PLCB4: variants seen among roughly 807,000 people sequenced by gnomAD.
PLCB4 encodes the protein phospholipase C beta 4, also known as 1-phosphatidylinositol 4,5-bisphosphate phosphodiesterase beta-4.
A neutral mutation model predicts 178.8 loss-of-function variants in PLCB4; 77 were observed. The observed-to-expected ratio is 0.43, with a 90% CI of 0.36 to 0.52. The LOEUF (loss-of-function observed/expected upper bound fraction) is 0.52, where lower values mean the gene tolerates loss of function less well. Among genes scored for constraint, PLCB4 ranks in the 20% least tolerant of loss-of-function variants. The pLI is 0.00. For missense variants in PLCB4, 1,024 were observed against 1,453.4 expected, an observed-to-expected ratio of 0.70 and a Z score of 4.80; for synonymous variants, 496 against 490.8, an observed-to-expected ratio of 1.01 and a Z score of -0.14.
At chr20:9,306,866 C>G (rs972843135) in intron 3 of PLCB4, among the ~76,000 whole-genome samples, 1 of 152,174 alleles carries the variant, frequency 6.6e-6, no homozygotes. Context: ...ATGTCCTACT[C>G]ACTGTCTATA....
chr20:9,152,850 T>C (rs1445600226), intron 2 of PLCB4, among the ~76,000 whole-genome samples: 1 of 151,998 alleles, frequency 6.6e-6, no homozygotes, highest in Non-Finnish European at 1.5e-5. Context: ...TGAAAGCATC[T>C]GGGAGGGAGG....
chr20:9,274,983 T>C (rs2094438455), intron 3 of PLCB4, among the ~76,000 whole-genome samples: 1 of 152,082 alleles, frequency 6.6e-6, no homozygotes, highest in Non-Finnish European at 1.5e-5. Context: ...AATTCAGAAC[T>C]CTTTGAATGT....
intron 7 of PLCB4, among the ~76,000 whole-genome samples, chr20:9,345,999 C>T (rs1273794928): frequency 6.6e-6 from 1 of 152,142 alleles, no homozygotes; most frequent in East Asian, 1.9e-4. Flanking sequence ...ATTGAGTCCT[C>T]CTGGCTTTGC....
At chr20:9,177,058 G>T (rs2093168014) in intron 2 of PLCB4, among the ~76,000 whole-genome samples, 1 of 152,078 alleles carries the variant, frequency 6.6e-6, no homozygotes, top group Non-Finnish European at 1.5e-5. Flanking sequence ...AGGAGGGGTG[G>T]TTGGAACTTG....
chr20:9,301,676 C>T (rs2147832287), intron 3 of PLCB4, among the ~76,000 whole-genome samples: 1 of 152,194 alleles, frequency 6.6e-6, no homozygotes, highest in South Asian at 2.1e-4. Flanking sequence ...CTCGACAGCC[C>T]ACCTCAGCCC....
chr20:9,387,046 G>A (rs2037734298), intron 14 of PLCB4, among the ~76,000 whole-genome samples: 1 of 151,534 alleles, frequency 6.6e-6, no homozygotes, highest in Non-Finnish European at 1.5e-5. Flanking sequence ...CTCCCAAGTA[G>A]CCATCACACC....
intron 1 of PLCB4, among the ~76,000 whole-genome samples, chr20:9,069,455 C>G (rs1056930647): frequency 2.3e-4 from 35 of 152,290 alleles, no homozygotes; most frequent in African/African-American, 6.7e-4. Flanking sequence ...AGACGTTCAC[C>G]CTCTTCTGGG....
chr20:9,308,920 A>G (rs1016116251), intron 4 of PLCB4, among the ~76,000 whole-genome samples: 7 of 152,240 alleles, frequency 4.6e-5, no homozygotes, highest in South Asian at 2.1e-4. Context: ...GCATTCTGCT[A>G]TAAGATGAAA....
At chr20:9,436,520 T>A (rs889732684) in intron 29 of PLCB4, among the ~76,000 whole-genome samples, 1 of 152,158 alleles carries the variant, frequency 6.6e-6, no homozygotes, top group Non-Finnish European at 1.5e-5. Flanking sequence ...CCTGGCTAAT[T>A]TTTTTACTTT....
chr20:9,435,952 G>A (rs1162010170), intron 29 of PLCB4, among the ~76,000 whole-genome samples: 1 of 152,196 alleles, frequency 6.6e-6, no homozygotes, highest in Non-Finnish European at 1.5e-5. Context: ...TGTAGGTGGA[G>A]CATTTCTAAT....
intron 2 of PLCB4, among the ~76,000 whole-genome samples, chr20:9,115,755 T>C (rs1419630705): frequency 1.3e-5 from 2 of 152,014 alleles, no homozygotes; most frequent in Non-Finnish European, 2.9e-5. Flanking sequence ...GGATTATTGA[T>C]GGGCTTGATT....
At chr20:9,340,730 C>T (rs191266672) in intron 7 of PLCB4, among the ~76,000 whole-genome samples, 23 of 152,014 alleles carry the variant, frequency 1.5e-4, no homozygotes, top group Non-Finnish European at 1.6e-4. Flanking sequence ...TCGTCCCCTT[C>T]CCAGCTATGT....
intron 4 of PLCB4, among the ~76,000 whole-genome samples, chr20:9,312,124 A>G (rs1176819378): frequency 1.3e-5 from 2 of 152,058 alleles, no homozygotes; most frequent in Admixed American, 1.3e-4. Context: ...AGAATTCATC[A>G]GCCAGTTCTT....
At position 9,407,991 on chromosome 20, in the gene PLCB4, T is replaced by C. The variant is rs139085211; in HGVS notation, c.1722T>C (p.His574=). The C allele has an allele frequency of 6.8e-6, 11 of 1,612,846 alleles. No homozygotes were observed. The change falls in exon 22 of 40, where the codon CAT becomes CAC. Residue 574 remains histidine (H), a synonymous_variant. Coordinates refer to ENST00000378473, the MANE Select transcript of PLCB4 (RefSeq NM_001377142.1). The part of the protein sequence containing the change: ...YKYVGATTNI[H]PYLSTMINYA... ...ATGTAGGTGCTACCACTAATATCCA[T>C]CCATATTTGTCCACAATGATCAACT...
chr20:9,132,270 C>A (rs1428141563), intron 2 of PLCB4, among the ~76,000 whole-genome samples: 1 of 147,796 alleles, frequency 6.8e-6, no homozygotes, highest in East Asian at 2.2e-4. Flanking sequence ...GCATAGTCAG[C>A]AAGGGCATAA....
chr20:9,345,715 A>G (rs772542145), intron 7 of PLCB4, among the ~76,000 whole-genome samples: 1 of 152,218 alleles, frequency 6.6e-6, no homozygotes. Flanking sequence ...GGCAAACTTC[A>G]TAAATTATGC....
Position 9,459,824 on chromosome 20 carries a change from C to T in PLCB4, c.3248+14C>T, listed in dbSNP as rs1462782273. The stretch of plus-strand genomic sequence containing the variant: ...GTCCCATGACAGGTGGGGGAATTGC[C>T]GTCTCCAGAGTAAACATCTAATATT... On this transcript the variant is annotated intron_variant, in intron 35 of 39. Coordinates refer to ENST00000378473, the MANE Select transcript of PLCB4 (RefSeq NM_001377142.1). 10 of 1,574,870 alleles carry T rather than the reference C, an allele frequency of 6.3e-6. No individual in the cohort carries two copies. In the African/African-American group the frequency reaches 6.7e-5, roughly 11 times the overall value.
In PLCB4 at chr20:9,395,631, C is replaced by T. The variant is rs747871328; in HGVS notation, c.1510+13C>T. The T allele has an allele frequency of 6.4e-7, 1 of 1,565,808 alleles. No homozygotes were observed. Among genetic ancestry groups the T allele is most frequent in the Non-Finnish European group, 8.8e-7 (1 of 1,137,706 alleles). ...GAGATCGAAAGTGGTGAGCTGTTTG[C>T]TTTTATTTTAAGTTACATGCTTTGA... On this transcript the variant is annotated intron_variant, in intron 19 of 39. Coordinates refer to ENST00000378473, the MANE Select transcript of PLCB4 (RefSeq NM_001377142.1).
At chr20:9,116,071 AAT>A (rs141948381) in intron 2 of PLCB4, among the ~76,000 whole-genome samples, 2 of 151,782 alleles carry the variant, frequency 1.3e-5, no homozygotes, top group East Asian at 1.9e-4. Flanking sequence ...TAGAAATGTG[AAT>A]ATATATATAT....
Sources: allele counts gnomAD v4.1 joint callset (sites outside exome capture counted in the v4.1 genomes callset), GRCh38; gene constraint gnomAD v4.1.1; transcripts MANE v1.5; gene names NCBI Gene and HGNC (gene_info 2026-07-23, HGNC 2026-07-21).